FMN2: variants seen among roughly 807,000 people sequenced by gnomAD.
FMN2 encodes formin-2.
In FMN2, 51 loss-of-function variants were observed where a neutral mutation model predicts 142.3. The observed-to-expected ratio is 0.36, with a 90% CI of 0.29 to 0.45. FMN2 has a LOEUF of 0.45. Ranked by LOEUF, FMN2 falls within the 20% of genes least tolerant of loss-of-function variation. FMN2 has a pLI of 1.00. For missense variants in FMN2, 1,936 were observed against 2,122.8 expected (o/e 0.91, Z 1.73); for synonymous variants, 882 against 869.8 (o/e 1.01, Z -0.25).
intron 1 of FMN2, among the ~76,000 whole-genome samples, chr1:240,113,658 G>C (rs567576479): frequency 1.9e-4 from 29 of 151,952 alleles, no homozygotes; most frequent in African/African-American, 6.5e-4. Flanking sequence ...TTTAGTAGGT[G>C]AGTGTCTCCT....
intron 15 of FMN2, among the ~76,000 whole-genome samples, chr1:240,436,527 AT>A (rs960403735): frequency 1.3e-5 from 2 of 152,066 alleles, no homozygotes; most frequent in African/African-American, 4.8e-5. Context: ...ATTTTAAAAA[AT>A]TAGCCGGGCA....
chr1:240,245,963 G>A (rs1275945816), intron 6 of FMN2, among the ~76,000 whole-genome samples: 2 of 151,648 alleles, frequency 1.3e-5, no homozygotes, highest in African/African-American at 2.4e-5. Flanking sequence ...GGCGGATCAC[G>A]AGGTCAGGGG....
At position 240,472,418 on chromosome 1, in the gene FMN2, C is replaced by T. The variant is rs1676842203; in HGVS notation, c.5107C>T (p.Leu1703Phe). ...EVCRQKKGKS[L>F]YKIKPRHDSG... ...GTGTAGACAGAAGAAAGGAAAATCACTTTATAAAATAAAACCAAGACATGA... is the reference window on the plus strand; with the variant it reads ...GTGTAGACAGAAGAAAGGAAAATCATTTTATAAAATAAAACCAAGACATGA... The change falls in exon 17 of 18, where the codon CTT becomes TTT. Residue 1703 changes from leucine to phenylalanine, a missense_variant. Around this residue, in one of 8 missense-constraint regions of FMN2, gnomAD observed 322 missense variants for 401.6 expected, o/e 0.80. Coordinates refer to ENST00000319653, the MANE Select transcript of FMN2 (RefSeq NM_020066.5). 1 of 1,611,942 alleles carries T rather than the reference C, an allele frequency of 6.2e-7. No homozygotes were observed. The highest frequency in any genetic ancestry group is 8.5e-7 in the Non-Finnish European group (1 of 1,179,266).
chr1:240,098,494 C>T (rs917038400), intron 1 of FMN2, among the ~76,000 whole-genome samples: 1 of 152,064 alleles, frequency 6.6e-6, no homozygotes, highest in Admixed American at 6.6e-5. Context: ...GTTTGATTTC[C>T]AGCAGAGCCC....
intron 2 of FMN2, 31 bp from the exon 3 acceptor site, chr1:240,177,890 G>A (rs766476454): frequency 1.9e-5 from 29 of 1,516,686 alleles, no homozygotes; most frequent in Non-Finnish European, 2.5e-5. Context: ...TGAATTAATA[G>A]CATTTCAACA....
intron 14 of FMN2, among the ~76,000 whole-genome samples, chr1:240,359,790 T>G (rs944246691): frequency 3.3e-5 from 5 of 152,212 alleles, no homozygotes; most frequent in Admixed American, 3.3e-4. Context: ...CAAAAATTGT[T>G]CTGACGGCCA....
intron 7 of FMN2, among the ~76,000 whole-genome samples, chr1:240,269,798 T>A (rs1478608858): frequency 1.3e-5 from 2 of 152,036 alleles, no homozygotes; most frequent in African/African-American, 4.8e-5. Flanking sequence ...TTTTTGATGC[T>A]ATTATAAATG....
At chr1:240,205,074 C>G (rs1052180296) in intron 4 of FMN2, among the ~76,000 whole-genome samples, 1 of 152,100 alleles carries the variant, frequency 6.6e-6, no homozygotes, top group Non-Finnish European at 1.5e-5. Flanking sequence ...AAAATCAAGT[C>G]TGGAGTATAA....
intron 7 of FMN2, among the ~76,000 whole-genome samples, chr1:240,277,972 G>A (rs1393873271): frequency 6.6e-6 from 1 of 152,016 alleles, no homozygotes; most frequent in Non-Finnish European, 1.5e-5. Context: ...ATTCTAAGAG[G>A]CTTTACTGTT....
chr1:240,311,562 T>G (rs2102987929), intron 8 of FMN2, among the ~76,000 whole-genome samples: 1 of 152,288 alleles, frequency 6.6e-6, no homozygotes, highest in South Asian at 2.1e-4. Context: ...AGAAAAGCTT[T>G]GGATCTTGAA....
intron 14 of FMN2, among the ~76,000 whole-genome samples, chr1:240,369,310 C>T (rs905403068): frequency 2.0e-5 from 3 of 152,182 alleles, no homozygotes; most frequent in Non-Finnish European, 4.4e-5. Flanking sequence ...TAAACAAATT[C>T]TTAGCATGTT....
At chr1:240,165,117 G>A (rs559989922) in intron 2 of FMN2, among the ~76,000 whole-genome samples, 1 of 152,162 alleles carries the variant, frequency 6.6e-6, no homozygotes, top group South Asian at 2.1e-4. Context: ...TTGGCTATTT[G>A]TCAGTTCTAG....
chr1:240,277,951 T>C (rs1669274600), intron 7 of FMN2, among the ~76,000 whole-genome samples: 2 of 152,176 alleles, frequency 1.3e-5, no homozygotes, highest in South Asian at 4.1e-4. Flanking sequence ...GGAACTCAAA[T>C]GTTTATTTAA....
chr1:240,271,182 G>A lies in FMN2; in HGVS notation c.4153+13150G>A, dbSNP rs1339048814. Among the ~76,000 whole-genome samples, 5 of 141,264 alleles carry A rather than the reference G, an allele frequency of 3.5e-5. No homozygotes were observed. The South Asian group carries it at 8.9e-4, about 25-fold the overall frequency. 92.7% of individuals were successfully genotyped at this position (141,264 alleles called of 152,430 possible). ...GCACTTCTTTTATCCTGTTGGGGTT[G>A]CCACTGAATCATGGTTTTCTTATGA... On this transcript the variant is annotated intron_variant, in intron 7 of 17. Transcript: ENST00000319653.
chr1:240,154,858 CTCTT>C (rs1280177355), intron 2 of FMN2: 1 of 82,492 alleles, frequency 1.2e-5, no homozygotes, highest in Non-Finnish European at 2.7e-5. Context: ...CCCTCCCTCC[CTCTT>C]TCTTTCTTCC....
At chr1:240,285,331 G>A (rs1008577754) in intron 7 of FMN2, 9 of 454,668 alleles carry the variant, frequency 2.0e-5, no homozygotes, top group African/African-American at 8.0e-5. Flanking sequence ...TGGAGGCTCC[G>A]TCATGTAAGA....
In FMN2 at chr1:240,184,275, C is replaced by T. The variant is rs192283522; in HGVS notation, c.1931-3932C>T. Among the ~76,000 whole-genome samples the T allele has an allele frequency of 2.4e-4, 25 of 102,270 alleles. 1 individual carries two copies. The East Asian group carries it at 6.7e-3, about 28-fold the overall frequency. The allele number at this position is 102,270 out of a possible 152,430, so 67.1% of individuals were successfully genotyped here. ...TTTTTTTTTTTGAGACTTGCTCTGTCGCCCAGGCTGGAGTGCAGTGGCGCG... is the reference window on the plus strand; with the variant it reads ...TTTTTTTTTTTGAGACTTGCTCTGTTGCCCAGGCTGGAGTGCAGTGGCGCG... On this transcript the variant is annotated intron_variant, in intron 3 of 17. Coordinates refer to ENST00000319653, the MANE Select transcript of FMN2 (RefSeq NM_020066.5).
chr1:240,463,378 A>G (rs1676509891), intron 16 of FMN2, among the ~76,000 whole-genome samples: 2 of 152,166 alleles, frequency 1.3e-5, no homozygotes, highest in Admixed American at 6.5e-5. Flanking sequence ...AAGGAACTGG[A>G]TGGATGGTTT....
chr1:240,267,477 TC>T (rs1337728563), intron 7 of FMN2, among the ~76,000 whole-genome samples: 1 of 151,302 alleles, frequency 6.6e-6, no homozygotes, highest in Non-Finnish European at 1.5e-5. Context: ...CACACTGGGG[TC>T]TTTCAGAGAG....
Sources: gnomAD v4.1 joint callset for allele counts (sites outside exome capture counted in the v4.1 genomes callset) on GRCh38, gnomAD v4.1.1 for gene constraint, gnomAD v4.1.1 regional missense constraint, MANE v1.5 for transcripts, NCBI Gene and HGNC (gene_info 2026-07-23, HGNC 2026-07-21) for gene names.